The following DOCK4 variants were observed in gnomAD, a reference collection of about 807,000 sequenced individuals.
The protein encoded by DOCK4 is dedicator of cytokinesis protein 4.
A neutral mutation model predicts 268.1 loss-of-function variants in DOCK4; 97 were observed. The observed-to-expected ratio is 0.36, with a 90% confidence interval of 0.31 to 0.43. The LOEUF is 0.43. DOCK4 is among the 20% of genes least tolerant of loss of function. The pLI is 1.00. For missense variants in DOCK4, 2,145 were observed against 2,455.7 expected (o/e 0.87, Z 2.67); for synonymous variants, 954 against 887.2 (o/e 1.08, Z -1.34).
At chr7:111,741,468 AGAAT>A in intron 46 of DOCK4, 68 bp downstream of exon 46, 1 of 1,565,808 alleles carries the variant, frequency 6.4e-7, no homozygotes, top group Non-Finnish European at 8.6e-7. Flanking sequence ...TGTGCCATAA[AGAAT>A]GAGAGAACCA....
In DOCK4 at chr7:112,206,243, C is replaced by A; in HGVS notation, c.-105G>T. ...GCAGCGCTGCAGTGCCGGAGCCCAG[C>A]GGCTTCGCGCGGGCTGCGGGCGCTG... is the stretch of plus-strand genomic sequence containing the variant. On this transcript the variant is annotated 5_prime_UTR_variant, in exon 1 of 53. Coordinates refer to ENST00000428084, the MANE Select transcript of DOCK4 (RefSeq NM_001363540.2). The A allele has an allele frequency of 2.3e-6, 3 of 1,296,558 alleles. No individual in the cohort carries two copies. Among genetic ancestry groups the A allele is most frequent in the South Asian group, 1.3e-5 (1 of 77,248 alleles). 80.3% of individuals were successfully genotyped at this position (1,296,558 alleles called of 1,614,324 possible). A position where few individuals can be genotyped will look rare whatever the true frequency, so the allele number is the denominator to read the frequency against.
At chr7:111,904,842 A>G (rs1791429949) in intron 13 of DOCK4, among the ~76,000 whole-genome samples, 1 of 152,164 alleles carries the variant, frequency 6.6e-6, no homozygotes, top group African/African-American at 2.4e-5. Flanking sequence ...ACTTTGTTAT[A>G]TTATGCTGTT....
At chr7:112,005,433 A>G (rs1409089637) in intron 1 of DOCK4, among the ~76,000 whole-genome samples, 2 of 152,226 alleles carry the variant, frequency 1.3e-5, no homozygotes, top group African/African-American at 2.4e-5. Context: ...ATAGAAACCA[A>G]TTCAGAACAT....
chr7:112,139,182 T>C (rs1814656597), intron 1 of DOCK4, among the ~76,000 whole-genome samples: 1 of 152,118 alleles, frequency 6.6e-6, no homozygotes, highest in South Asian at 2.1e-4. Context: ...CCAATTTGTG[T>C]ACATTAAGAA....
intron 1 of DOCK4, among the ~76,000 whole-genome samples, chr7:112,131,716 GA>G (rs916229547): frequency 2.7e-5 from 4 of 150,450 alleles, no homozygotes; most frequent in African/African-American, 7.3e-5. Flanking sequence ...ATGAGAAAGA[GA>G]AAAAAAAATC....
rs1216240104 is a variant in DOCK4, at chr7:111,737,686, G to A, written c.5233-697C>T. ...AAGTCCTTAAAAGTAGATGTACTAC[G>A]GCAGTGCACACTATTGAAATTTAGC... is the stretch of plus-strand genomic sequence containing the variant. On this transcript the variant is annotated intron_variant, in intron 49 of 52. Coordinates refer to ENST00000428084, the MANE Select transcript of DOCK4 (RefSeq NM_001363540.2). Among the ~76,000 whole-genome samples the A allele has an allele frequency of 2.6e-5, 4 of 152,138 alleles. No individual in the cohort carries two copies. In the South Asian group the frequency reaches 6.2e-4, roughly 24 times the overall value.
At chr7:112,066,351 C>A (rs1028981387) in intron 1 of DOCK4, among the ~76,000 whole-genome samples, 1 of 151,826 alleles carries the variant, frequency 6.6e-6, no homozygotes, top group African/African-American at 2.4e-5. Flanking sequence ...GGTTCTGAGG[C>A]CTTTAGACTT....
intron 1 of DOCK4, among the ~76,000 whole-genome samples, chr7:112,006,308 T>A (rs946102851): frequency 7.2e-5 from 11 of 152,172 alleles, no homozygotes; most frequent in African/African-American, 2.4e-4. Context: ...TTTAAGGGTG[T>A]GGCCATCACC....
In DOCK4 at chr7:111,767,625, A is replaced by C. The variant is rs1308525685; in HGVS notation, c.3829-507T>G. Among the ~76,000 whole-genome samples the C allele has an allele frequency of 2.6e-5, 4 of 152,302 alleles. No individual in the cohort carries two copies. The East Asian group carries it at 7.7e-4, about 29-fold the overall frequency. On this transcript the variant is annotated intron_variant, in intron 37 of 52. Coordinates refer to ENST00000428084, the MANE Select transcript of DOCK4 (RefSeq NM_001363540.2). ...AATCCTTTGAATGCTGGAAACGATA[A>C]TCTACCACAACAGTCATTAATATAT...
chr7:112,054,097 G>A (rs1294943049), intron 1 of DOCK4, among the ~76,000 whole-genome samples: 2 of 152,100 alleles, frequency 1.3e-5, no homozygotes, highest in Non-Finnish European at 2.9e-5. Flanking sequence ...CAAGGCGAGA[G>A]GATCACTTCA....
intron 1 of DOCK4, among the ~76,000 whole-genome samples, chr7:112,099,426 T>C (rs979530252): frequency 6.6e-6 from 1 of 152,172 alleles, no homozygotes; most frequent in African/African-American, 2.4e-5. Flanking sequence ...TTATTCTCTT[T>C]AACAGAAAAA....
intron 1 of DOCK4, among the ~76,000 whole-genome samples, chr7:112,130,475 C>T (rs1422751597): frequency 6.6e-6 from 1 of 152,104 alleles, no homozygotes; most frequent in African/African-American, 2.4e-5. Context: ...CATGGTTCTC[C>T]CAATAAGTAT....
chr7:111,892,005 A>G (rs972741335), intron 16 of DOCK4, among the ~76,000 whole-genome samples: 6 of 152,182 alleles, frequency 3.9e-5, no homozygotes, highest in African/African-American at 1.4e-4. Context: ...TGTTGCAACT[A>G]TATTTCAGTT....
intron 27 of DOCK4, chr7:111,821,496 A>C (rs181951937): frequency 2.0e-5 from 3 of 152,386 alleles, no homozygotes; most frequent in Admixed American, 2.0e-4. Flanking sequence ...TGGAGAGAGC[A>C]GATAAATCCA....
At chr7:111,772,047 T>A (rs778974171) in intron 36 of DOCK4, among the ~76,000 whole-genome samples, 1 of 152,152 alleles carries the variant, frequency 6.6e-6, no homozygotes, top group Non-Finnish European at 1.5e-5. Context: ...TCAAGGGCGA[T>A]GAAAGTCAAA....
At chr7:112,093,254 C>G (rs1198565918) in intron 1 of DOCK4, among the ~76,000 whole-genome samples, 1 of 152,158 alleles carries the variant, frequency 6.6e-6, no homozygotes, top group Non-Finnish European at 1.5e-5. Flanking sequence ...TGCTCCTTCT[C>G]AATGCCCACA....
chr7:111,833,495 G>A (rs1281103948), intron 26 of DOCK4, among the ~76,000 whole-genome samples: 1 of 151,788 alleles, frequency 6.6e-6, no homozygotes, highest in African/African-American at 2.4e-5. Context: ...AGTGAGCCAT[G>A]ATTGTACTAC....
At chr7:111,735,870 T>C (rs1795438672) in intron 50 of DOCK4, among the ~76,000 whole-genome samples, 1 of 152,174 alleles carries the variant, frequency 6.6e-6, no homozygotes. Flanking sequence ...GACACTGCCA[T>C]CTGGTGGGCA....
At chr7:111,829,285 T>C (rs1802631222) in intron 26 of DOCK4, among the ~76,000 whole-genome samples, 1 of 152,202 alleles carries the variant, frequency 6.6e-6, no homozygotes, top group South Asian at 2.1e-4. Context: ...GATTTTGGTT[T>C]AAGAAAGTTT....
Sources: gnomAD v4.1 joint callset for allele counts (sites outside exome capture counted in the v4.1 genomes callset) on GRCh38, gnomAD v4.1.1 for gene constraint, MANE v1.5 for transcripts, NCBI Gene and HGNC (gene_info 2026-07-23, HGNC 2026-07-21) for gene names.